CARHSP1: variants seen among roughly 807,000 people sequenced by gnomAD.
The protein encoded by CARHSP1 is calcium regulated heat stable protein 1, also known as calcium-regulated heat-stable protein 1.
A neutral mutation model predicts 12.5 loss-of-function variants in CARHSP1; 14 were observed. That is an observed-to-expected ratio of 1.12 (90% CI 0.74 to 1.75). CARHSP1 has a LOEUF of 1.75. Among genes scored for constraint, CARHSP1 ranks in the 40% most tolerant of loss-of-function variants. The pLI is 0.00. For missense variants in CARHSP1, 343 were observed against 201.6 expected (o/e 1.70, Z -4.25); for synonymous variants, 161 against 82.0 (o/e 1.96, Z -5.20).
rs911679431 is a variant in CARHSP1, at chr16:8,854,905, G to T, written c.*259C>A. On this transcript the variant is annotated 3_prime_UTR_variant, in exon 4 of 4. Coordinates refer to ENST00000311052, the MANE Select transcript of CARHSP1 (RefSeq NM_014316.4). ...TGGAACCTCCACTCAGCCACCAGTG[G>T]GCACCTCTCCTTTTTAAATGCTTTT... 2.5e-5 allele frequency: 8 copies of T among 319,886 alleles called. No individual in the cohort carries two copies. Among genetic ancestry groups the T allele is most frequent in the African/African-American group, 1.5e-4 (7 of 46,778 alleles). The allele number at this position is 319,886 out of a possible 1,614,324, so 19.8% of individuals were successfully genotyped here. A position where few individuals can be genotyped will look rare whatever the true frequency, so the allele number is the denominator to read the frequency against.
At chr16:8,864,953 C>T (rs28582877) in intron 1 of CARHSP1, among the ~76,000 whole-genome samples, 45 of 152,176 alleles carry the variant, frequency 3.0e-4, no homozygotes, top group African/African-American at 9.4e-4. Flanking sequence ...ATGCAGCCCC[C>T]ATTACCCACT....
intron 1 of CARHSP1, among the ~76,000 whole-genome samples, chr16:8,861,325 A>G (rs1199778909): frequency 6.6e-6 from 1 of 150,994 alleles, no homozygotes; most frequent in African/African-American, 2.4e-5. Flanking sequence ...GGCCTGAACT[A>G]TCTTAAACAT....
intron 1 of CARHSP1, among the ~76,000 whole-genome samples, chr16:8,859,637 G>C (rs1290858882): frequency 6.6e-6 from 1 of 152,042 alleles, no homozygotes; most frequent in Non-Finnish European, 1.5e-5. Flanking sequence ...CGGCACATTT[G>C]GGACACATAG....
At chr16:8,866,402 T>C (rs2061455686) in intron 1 of CARHSP1, 1 of 981,408 alleles carries the variant, frequency 1.0e-6, no homozygotes, top group Non-Finnish European at 1.2e-6. Context: ...GGTGAGACTC[T>C]AGCAGAGTAG....
At chr16:8,857,284 T>G (rs796489724) in intron 3 of CARHSP1, among the ~76,000 whole-genome samples, 1,368 of 112,792 alleles carry the variant, frequency 0.012, 132 homozygotes, top group African/African-American at 0.033. Context: ...TTTTTTTTTT[T>G]TTTTTTTTTT....
chr16:8,857,263 G>GGTTTTTTTT (rs2061150044), intron 3 of CARHSP1, among the ~76,000 whole-genome samples: 1 of 57,006 alleles, frequency 1.8e-5, no homozygotes, highest in Non-Finnish European at 3.7e-5. Context: ...GGGCAGATCT[G>GGTTTTTTTT]TTTTTTTTTT....
Position 8,859,343 on chromosome 16 carries a change from G to A in CARHSP1, c.-7-8C>T, listed in dbSNP as rs369820747. 4.6e-5 allele frequency: 73 copies of A among 1,597,440 alleles called. No individual in the cohort carries two copies. The African/African-American group carries it at 7.0e-4, about 15-fold the overall frequency. On this transcript the variant is annotated splice_region_variant and splice_polypyrimidine_tract_variant and intron_variant, in intron 1 of 3. Transcript: ENST00000311052. ...TCAGATGACATGGCTGACCTGGAAAGAGAAGAGGCTGTCAGGGGCTCGTGC... is the reference window on the plus strand; with the variant it reads ...TCAGATGACATGGCTGACCTGGAAAAAGAAGAGGCTGTCAGGGGCTCGTGC...
chr16:8,861,283 T>C (rs1318519757), intron 1 of CARHSP1, among the ~76,000 whole-genome samples: 2 of 144,558 alleles, frequency 1.4e-5, no homozygotes, highest in Non-Finnish European at 3.0e-5. Context: ...CCTCTCAAAG[T>C]GCTAGGATTA....
chr16:8,861,019 C>T (rs1199466071), intron 1 of CARHSP1, among the ~76,000 whole-genome samples: 4 of 149,668 alleles, frequency 2.7e-5, no homozygotes, highest in Non-Finnish European at 4.5e-5. Flanking sequence ...CACAGCACTC[C>T]AGCCTGGGTG....
At chr16:8,862,663 C>G (rs1318471808) in intron 1 of CARHSP1, among the ~76,000 whole-genome samples, 3 of 152,054 alleles carry the variant, frequency 2.0e-5, no homozygotes, top group Non-Finnish European at 4.4e-5. Flanking sequence ...GGAGGCTGTT[C>G]CAGGTATAGG....
At chr16:8,862,765 G>A (rs914811279) in intron 1 of CARHSP1, among the ~76,000 whole-genome samples, 6 of 152,188 alleles carry the variant, frequency 3.9e-5, no homozygotes, top group African/African-American at 7.2e-5. Flanking sequence ...ATGGGAGGCA[G>A]GAAAGGCGGT....
At chr16:8,858,868 G>A (rs778171263) in intron 2 of CARHSP1, 4 of 408,552 alleles carry the variant, frequency 9.8e-6, no homozygotes, top group Admixed American at 4.0e-5. Context: ...TTTTGCAGCT[G>A]CAGAATTCAC....
intron 1 of CARHSP1, among the ~76,000 whole-genome samples, chr16:8,862,853 T>A (rs544283941): frequency 1.3e-5 from 2 of 152,214 alleles, no homozygotes; most frequent in South Asian, 4.1e-4. Context: ...GTCGTCCTCC[T>A]TGCATCTTCC....
At chr16:8,860,165 C>T (rs1002902151) in intron 1 of CARHSP1, 4 of 985,336 alleles carry the variant, frequency 4.1e-6, no homozygotes, top group Admixed American at 1.2e-4. Flanking sequence ...TCAAGCGCCA[C>T]GTTTGGATCC....
At chr16:8,859,825 A>C in intron 1 of CARHSP1, 1 of 152,894 alleles carries the variant, frequency 6.5e-6, no homozygotes, top group Non-Finnish European at 1.5e-5. Flanking sequence ...TACGAATACA[A>C]AAATTAGCTG....
In CARHSP1 at chr16:8,859,124, G is replaced by T. The variant is rs768435047; in HGVS notation, c.158+47C>A. 2.0e-5 allele frequency: 31 copies of T among 1,516,110 alleles called. No individual in the cohort carries two copies. In the South Asian group the frequency reaches 3.5e-4, roughly 17 times the overall value. The allele number at this position is 1,516,110 out of a possible 1,614,324, so 93.9% of individuals were successfully genotyped here. A position where few individuals can be genotyped will look rare whatever the true frequency, so the allele number is the denominator to read the frequency against. On this transcript the variant is annotated intron_variant, in intron 2 of 3. Transcript: ENST00000311052. ...AGACACAGTGAATCTCTGGCCTCAGGCAAGAGATCCATCTGAGAACGCGTC... is the reference window on the plus strand; with the variant it reads ...AGACACAGTGAATCTCTGGCCTCAGTCAAGAGATCCATCTGAGAACGCGTC...
At chr16:8,856,203 T>G (rs1313752481) in intron 3 of CARHSP1, among the ~76,000 whole-genome samples, 1 of 152,126 alleles carries the variant, frequency 6.6e-6, no homozygotes, top group Non-Finnish European at 1.5e-5. Context: ...TTCCCTTACT[T>G]TCTAGGGGAC....
Position 8,860,301 on chromosome 16 carries a change from G to A in CARHSP1, c.-7-966C>T, listed in dbSNP as rs1308247558. ...CCCAGTGAATTTCCACACAGCCCGG[G>A]TCACCACGCTGTTATGAAATCAAAT... On this transcript the variant is annotated intron_variant, in intron 1 of 3. Coordinates refer to ENST00000311052, the MANE Select transcript of CARHSP1 (RefSeq NM_014316.4). The A allele has an allele frequency of 3.1e-6, 3 of 982,544 alleles. No homozygotes were observed. In the African/African-American group the frequency reaches 5.2e-5, roughly 17 times the overall value. The allele number at this position is 982,544 out of a possible 1,614,324, so 60.9% of individuals were successfully genotyped here.
Position 8,858,409 on chromosome 16 carries a change from C to G in CARHSP1, c.222G>C (p.Lys74Asn), listed in dbSNP as rs756906881. The G allele has an allele frequency of 1.2e-6, 2 of 1,614,100 alleles. No individual in the cohort carries two copies. The highest frequency in any genetic ancestry group is 3.3e-5 in the Admixed American group (2 of 60,016). ...KGVCKCFCRS[K>N]GHGFITPADG... is the part of the protein sequence containing the mutation. ...CAGCTGGAGTAATGAAGCCATGGCCCTTGGACCGGCAGAAGCATTTGCAGA... is the reference window on the plus strand; with the variant it reads ...CAGCTGGAGTAATGAAGCCATGGCCGTTGGACCGGCAGAAGCATTTGCAGA... The change falls in exon 3 of 4, where the codon AAG becomes AAC. Residue 74 changes from lysine to asparagine, a missense_variant. Lys to Asn is a moderately conservative substitution (Grantham distance 94). Coordinates refer to ENST00000311052, the MANE Select transcript of CARHSP1 (RefSeq NM_014316.4).
Sources: gnomAD v4.1 joint callset for allele counts (sites outside exome capture counted in the v4.1 genomes callset) on GRCh38, gnomAD v4.1.1 for gene constraint, MANE v1.5 for transcripts, NCBI Gene and HGNC (gene_info 2026-07-23, HGNC 2026-07-21) for gene names.